TPR: variants seen among roughly 807,000 people sequenced by gnomAD.
The protein encoded by TPR is translocated promoter region, nuclear basket protein.
Under a neutral mutation model 316.1 loss-of-function variants are expected in TPR, and 51 were observed. The ratio of observed to expected loss-of-function variants is 0.16; its 90% CI spans 0.13 to 0.20. The LOEUF (loss-of-function observed/expected upper bound fraction) is 0.20. Among genes scored for constraint, TPR ranks in the 10% least tolerant of loss-of-function variants. TPR has a pLI of 1.00. For missense variants in TPR, 2,272 were observed against 2,754.8 expected, an observed-to-expected ratio of 0.82 and a Z score of 3.92; for synonymous variants, 981 against 914.7, an observed-to-expected ratio of 1.07 and a Z score of -1.31.
At chr1:186,345,355 G>A (rs1159180776) in intron 24 of TPR, among the ~76,000 whole-genome samples, 1 of 152,092 alleles carries the variant, frequency 6.6e-6, no homozygotes, top group Non-Finnish European at 1.5e-5. Context: ...TCCTAGTCCT[G>A]TTTTTATTTT....
intron 37 of TPR, 52 bp from the exon 38 acceptor site, chr1:186,332,395 A>T: frequency 6.3e-7 from 1 of 1,589,584 alleles, no homozygotes; most frequent in Non-Finnish European, 8.6e-7. Flanking sequence ...CTCAATTTAG[A>T]TAAAGATAGT....
chr1:186,347,068 CAT>C (rs1658704483), intron 22 of TPR, among the ~76,000 whole-genome samples: 1 of 152,172 alleles, frequency 6.6e-6, no homozygotes, highest in Non-Finnish European at 1.5e-5. Flanking sequence ...GTCTCCTCAA[CAT>C]TTTATCTGGA....
At position 186,322,557 on chromosome 1, in the gene TPR, T is replaced by A. The variant is rs753576483; in HGVS notation, c.6327A>T (p.Val2109=). Residue 2109 remains valine (V), a synonymous_variant, in exon 44 of 51, where the codon GTA becomes GTT. Transcript: ENST00000367478. ...CTGGAGTCAACTGAAGGCCACGTCC[T>A]ACAGACTGCCTTCGGGTCATCTGAA... ...QRIQMTRRQS[V]GRGLQLTPGI... 1 of 1,614,116 alleles carries A rather than the reference T, an allele frequency of 6.2e-7. No homozygotes were observed. The highest frequency in any genetic ancestry group is 1.1e-5 in the South Asian group (1 of 91,086).
chr1:186,340,421 T>C lies in TPR; in HGVS notation c.4020+607A>G, dbSNP rs540986904. Among the ~76,000 whole-genome samples, 3 of 152,128 alleles carry C rather than the reference T, an allele frequency of 2.0e-5. No individual in the cohort carries two copies. In the East Asian group the frequency reaches 5.8e-4, roughly 29 times the overall value. On this transcript the variant is annotated intron_variant, in intron 29 of 50. Coordinates refer to ENST00000367478, the MANE Select transcript of TPR (RefSeq NM_003292.3). The stretch of plus-strand genomic sequence containing the variant: ...GTGCTTTAATAAATTCAATAAATTA[T>C]ACAGATTCCTATTTTGCTTTTTTTT...
At chr1:186,341,861 C>T (rs1658514335) in intron 27 of TPR, 1 of 157,516 alleles carries the variant, frequency 6.3e-6, no homozygotes, top group Admixed American at 6.3e-5. Flanking sequence ...AATTATCCAT[C>T]TTCTGCACTT....
chr1:186,322,762 TTAATTA>T (rs1657807282), intron 43 of TPR, 176 bp from the exon 44 acceptor site: 1 of 610,236 alleles, frequency 1.6e-6, no homozygotes, highest in African/African-American at 1.9e-5. Flanking sequence ...TGACAAATTT[TTAATTA>T]TAGTCTATAA....
At chr1:186,362,148 T>A in intron 7 of TPR, 140 bp downstream of exon 7, 1 of 670,314 alleles carries the variant, frequency 1.5e-6, no homozygotes, top group Admixed American at 3.2e-5. Flanking sequence ...TATTTTAGCC[T>A]AGCTACAGCA....
chr1:186,356,937 C>T (rs1659046431), intron 14 of TPR, among the ~76,000 whole-genome samples: 2 of 152,210 alleles, frequency 1.3e-5, no homozygotes, highest in African/African-American at 4.8e-5. Flanking sequence ...TTACATCTGT[C>T]TTACCCATAA....
Position 186,343,601 on chromosome 1 carries a change from A to G in TPR, c.3603-128T>C, listed in dbSNP as rs893192282. The G allele has an allele frequency of 3.5e-6, 3 of 849,236 alleles. No homozygotes were observed. In the Admixed American group the frequency reaches 9.4e-5, roughly 26 times the overall value. 52.6% of individuals were successfully genotyped at this position (849,236 alleles called of 1,614,324 possible). A position where few individuals can be genotyped will look rare whatever the true frequency, so the allele number is the denominator to read the frequency against. On this transcript the variant is annotated intron_variant, in intron 26 of 50. Transcript: ENST00000367478. ...CTATTACACGTTTTCATTAATAATA[A>G]ATAATAATGGGAGATGTATTTCTAT...
At chr1:186,366,487 G>C (rs1659346281) in intron 4 of TPR, among the ~76,000 whole-genome samples, 1 of 152,080 alleles carries the variant, frequency 6.6e-6, no homozygotes, top group African/African-American at 2.4e-5. Context: ...TAAGTTTTTG[G>C]GGAGTCAAAA....
intron 17 of TPR, among the ~76,000 whole-genome samples, chr1:186,354,963 C>T (rs1258048875): frequency 6.6e-6 from 1 of 152,106 alleles, no homozygotes; most frequent in Non-Finnish European, 1.5e-5. Flanking sequence ...AGTGCAGTGG[C>T]CCCAATCTTG....
intron 21 of TPR, among the ~76,000 whole-genome samples, chr1:186,349,592 G>GTGAACCTGGAAGGCA (rs1658792054): frequency 6.6e-6 from 1 of 151,014 alleles, no homozygotes; most frequent in African/African-American, 2.4e-5. Flanking sequence ...CCTGGAAGGC[G>GTGAACCTGGAAGGCA]GAGCTTGCAG....
At chr1:186,353,454 C>T (rs541294783) in intron 18 of TPR, among the ~76,000 whole-genome samples, 5 of 151,996 alleles carry the variant, frequency 3.3e-5, no homozygotes, top group Non-Finnish European at 7.4e-5. Context: ...GCAAGACTTG[C>T]GAGTATATCT....
In TPR at chr1:186,341,055, A is replaced by C; in HGVS notation, c.3993T>G (p.Asp1331Glu). 1.2e-6 allele frequency: 2 copies of C among 1,613,990 alleles called. No homozygotes were observed. Among genetic ancestry groups the C allele is most frequent in the Non-Finnish European group, 1.7e-6 (2 of 1,179,982 alleles). Residue 1331 changes from aspartate to glutamate, a missense_variant, in exon 29 of 51, where the codon GAT becomes GAG. Asp to Glu is a conservative substitution (Grantham distance 45, BLOSUM62 2). Coordinates refer to ENST00000367478, the MANE Select transcript of TPR (RefSeq NM_003292.3). ...GGTTACGTGCTTTCCAACGTTTGAC[A>C]TCCTCTTCTAAGAGCTTCTTCTCTG... Reference protein sequence around the residue: ...LQAEKKLLEEDVKRWKARNQH... With the variant: ...LQAEKKLLEEEVKRWKARNQH...
At position 186,357,579 on chromosome 1, in the gene TPR, G is replaced by A. The variant is rs375913695; in HGVS notation, c.1542C>T (p.His514=). The change falls in exon 14 of 51, where the codon CAC becomes CAT. Residue 514 remains histidine, a synonymous_variant. Coordinates refer to ENST00000367478, the MANE Select transcript of TPR (RefSeq NM_003292.3). ...AGCTTACTTCCTCATCACGAATTAC[G>A]TGGTTACCCCTTGCTTCTTCAAGTT... The part of the protein sequence containing the change: ...LMELEEARGN[H]VIRDEEVSSA... The A allele has an allele frequency of 2.0e-5, 32 of 1,613,592 alleles. No individual in the cohort carries two copies. Among genetic ancestry groups the A allele is most frequent in the Admixed American group, 6.7e-5 (4 of 59,908 alleles).
chr1:186,328,334 T>C (rs1189919057), intron 39 of TPR, among the ~76,000 whole-genome samples: 3 of 152,128 alleles, frequency 2.0e-5, no homozygotes, highest in Admixed American at 6.6e-5. Flanking sequence ...TAAAAACAGG[T>C]GATTAATAAT....
chr1:186,335,691 G>T, intron 33 of TPR, 148 bp from the exon 34 acceptor site: 1 of 501,238 alleles, frequency 2.0e-6, no homozygotes, highest in Non-Finnish European at 3.4e-6. Flanking sequence ...AATGAGCAAA[G>T]TTCTAAGTAC....
chr1:186,353,163 T>G (rs12139138), intron 18 of TPR, among the ~76,000 whole-genome samples: 6,900 of 152,070 alleles, frequency 0.045, 168 homozygotes, highest in South Asian at 0.051. Context: ...ACGAGGTCAG[T>G]AGATCGAGAC....
At chr1:186,353,612 T>C in intron 18 of TPR, 76 bp downstream of exon 18, 12 of 1,521,720 alleles carry the variant, frequency 7.9e-6, no homozygotes, top group Non-Finnish European at 1.1e-5. Context: ...TATCAGTGAG[T>C]AAAATTCAAA....
Sources: gnomAD v4.1 joint callset for allele counts (sites outside exome capture counted in the v4.1 genomes callset) on GRCh38, gnomAD v4.1.1 for gene constraint, MANE v1.5 for transcripts, NCBI Gene and HGNC (gene_info 2026-07-23, HGNC 2026-07-21) for gene names.